ANKS1B: variants seen among roughly 807,000 people sequenced by gnomAD.
The protein encoded by ANKS1B is ankyrin repeat and sterile alpha motif domain containing 1B.
A neutral mutation model predicts 148.3 loss-of-function variants in ANKS1B; 36 were observed. That is an observed-to-expected ratio of 0.24 (90% confidence interval 0.19 to 0.32). ANKS1B has a LOEUF of 0.32. Ranked by LOEUF, ANKS1B falls within the 10% of genes least tolerant of loss-of-function variation. The pLI is 1.00. For missense variants in ANKS1B, 1,157 were observed against 1,542.6 expected (o/e 0.75, Z 4.19); for synonymous variants, 542 against 560.8 (o/e 0.97, Z 0.47).
rs538720063 is a variant in ANKS1B, at chr12:98,937,801, T to C, written c.2779-105665A>G. On this transcript the variant is annotated intron_variant, in intron 17 of 26. Transcript: ENST00000683438. ...AATTTATGAAGAAAAGAGGTTTAAT[T>C]GACTCAAAGTTCCAAATGGCTGGGG... 2.0e-5 allele frequency among the ~76,000 whole-genome samples: 3 copies of C among 152,250 alleles called. No homozygotes were observed. The South Asian group carries it at 6.2e-4, about 32-fold the overall frequency.
In ANKS1B at chr12:99,564,790, T is replaced by G. The variant is rs537124376; in HGVS notation, c.1273-60149A>C. ...TCTCCTTGTTGCTATATCTTGAAAT[T>G]TTTCAAACTTGAAATTAATTACATT... On this transcript the variant is annotated intron_variant, in intron 9 of 26. Transcript: ENST00000683438. Among the ~76,000 whole-genome samples the G allele has an allele frequency of 8.5e-5, 13 of 152,254 alleles. No homozygotes were observed. In the South Asian group the frequency reaches 2.7e-3, roughly 32 times the overall value.
chr12:99,830,572 A>C (rs574230883), intron 1 of ANKS1B, among the ~76,000 whole-genome samples: 6 of 152,026 alleles, frequency 3.9e-5, no homozygotes, highest in Non-Finnish European at 7.4e-5. Flanking sequence ...GAGCTCAATG[A>C]ATATAAGAGA....
At chr12:99,715,133 TAAA>T (rs1211405140) in intron 8 of ANKS1B, among the ~76,000 whole-genome samples, 1 of 142,782 alleles carries the variant, frequency 7.0e-6, no homozygotes, top group African/African-American at 2.5e-5. Context: ...CATCTAAAAA[TAAA>T]AAATAATAAA....
At chr12:98,914,982 C>T (rs1326836144) in intron 17 of ANKS1B, among the ~76,000 whole-genome samples, 1 of 152,142 alleles carries the variant, frequency 6.6e-6, no homozygotes, top group Non-Finnish European at 1.5e-5. Flanking sequence ...TAAATGAGGG[C>T]AGGCTTGTTT....
chr12:99,794,943 C>A (rs1195698989), intron 4 of ANKS1B, among the ~76,000 whole-genome samples: 1 of 151,638 alleles, frequency 6.6e-6, no homozygotes, highest in Non-Finnish European at 1.5e-5. Flanking sequence ...CTCATGAACC[C>A]ATAAATATAT....
chr12:98,953,898 A>C lies in ANKS1B; in HGVS notation c.2778+99259T>G, dbSNP rs141998784. Among the ~76,000 whole-genome samples, 13 of 152,092 alleles carry C rather than the reference A, an allele frequency of 8.5e-5. No homozygotes were observed. The East Asian group carries it at 2.1e-3, about 25-fold the overall frequency. On this transcript the variant is annotated intron_variant, in intron 17 of 26. Transcript: ENST00000683438. Reference sequence around the variant, plus strand: ...TTTATTTTCCAGTTTACTCCTTTGGATACTTCTCATCTTCAAGGTCCAGCT... The same window carrying C: ...TTTATTTTCCAGTTTACTCCTTTGGCTACTTCTCATCTTCAAGGTCCAGCT...
intron 14 of ANKS1B, among the ~76,000 whole-genome samples, chr12:99,183,681 A>T (rs2079426150): frequency 6.6e-6 from 1 of 152,152 alleles, no homozygotes; most frequent in Non-Finnish European, 1.5e-5. Context: ...ATCATTGGTC[A>T]AGGAAGTTTG....
At chr12:99,141,403 CTTT>C (rs572728144) in intron 15 of ANKS1B, among the ~76,000 whole-genome samples, 1 of 140,510 alleles carries the variant, frequency 7.1e-6, no homozygotes, top group Non-Finnish European at 1.6e-5. Context: ...AGTCTCATTT[CTTT>C]TTTTTTTTTT....
intron 9 of ANKS1B, among the ~76,000 whole-genome samples, chr12:99,617,055 T>C (rs1279770959): frequency 6.6e-6 from 1 of 152,182 alleles, no homozygotes; most frequent in Non-Finnish European, 1.5e-5. Context: ...TCATCATCAC[T>C]GGTCATTAGA....
chr12:99,571,945 TA>T (rs1223138659), intron 9 of ANKS1B, among the ~76,000 whole-genome samples: 1 of 151,988 alleles, frequency 6.6e-6, no homozygotes, highest in Non-Finnish European at 1.5e-5. Flanking sequence ...AACAAACCAA[TA>T]AAATCCAAAT....
intron 8 of ANKS1B, among the ~76,000 whole-genome samples, chr12:99,696,951 T>C (rs915174749): frequency 6.6e-6 from 1 of 152,178 alleles, no homozygotes; most frequent in African/African-American, 2.4e-5. Flanking sequence ...AAAGAAGATA[T>C]ACAGATGCCA....
At chr12:99,467,468 G>T (rs2096143158) in intron 10 of ANKS1B, among the ~76,000 whole-genome samples, 1 of 152,234 alleles carries the variant, frequency 6.6e-6, no homozygotes, top group Non-Finnish European at 1.5e-5. Context: ...GAAATAAAGG[G>T]TATTCGATTA....
chr12:99,950,230 G>A (rs2095182569), intron 1 of ANKS1B, among the ~76,000 whole-genome samples: 1 of 148,858 alleles, frequency 6.7e-6, no homozygotes, highest in African/African-American at 2.5e-5. Flanking sequence ...AAAGTGCTGA[G>A]ATTACAGGCG....
At chr12:99,103,426 G>A (rs958636087) in intron 15 of ANKS1B, among the ~76,000 whole-genome samples, 1 of 151,876 alleles carries the variant, frequency 6.6e-6, no homozygotes, top group Non-Finnish European at 1.5e-5. Flanking sequence ...TACTCTTCTT[G>A]GTCTCATTTT....
intron 23 of ANKS1B, 110 bp from the exon 24 acceptor site, chr12:98,781,313 A>AACAACAC (rs1566422541): frequency 4.3e-6 from 2 of 462,100 alleles, no homozygotes; most frequent in African/African-American, 3.8e-5. Flanking sequence ...AAACAACAAC[A>AACAACAC]ACACACACAC....
At chr12:98,836,901 G>A (rs2099366792) in intron 17 of ANKS1B, among the ~76,000 whole-genome samples, 1 of 152,118 alleles carries the variant, frequency 6.6e-6, no homozygotes, top group African/African-American at 2.4e-5. Flanking sequence ...GATTCAAAGG[G>A]GAACGTCTAT....
At chr12:99,762,186 G>GA (rs2062189595) in intron 8 of ANKS1B, among the ~76,000 whole-genome samples, 1 of 151,900 alleles carries the variant, frequency 6.6e-6, no homozygotes, top group Non-Finnish European at 1.5e-5. Flanking sequence ...CACACAATTA[G>GA]AAAAAAACTA....
chr12:99,534,959 T>G (rs979884596), intron 9 of ANKS1B, among the ~76,000 whole-genome samples: 1 of 152,042 alleles, frequency 6.6e-6, no homozygotes, highest in African/African-American at 2.4e-5. Flanking sequence ...TCTGACCACC[T>G]CGGCCTCCCA....
intron 15 of ANKS1B, among the ~76,000 whole-genome samples, chr12:99,147,401 G>A (rs1451263788): frequency 6.6e-6 from 1 of 152,102 alleles, no homozygotes; most frequent in African/African-American, 2.4e-5. Context: ...GAAAGATAAG[G>A]CAGGAAAATC....
Sources: allele counts gnomAD v4.1 joint callset (sites outside exome capture counted in the v4.1 genomes callset), GRCh38; gene constraint gnomAD v4.1.1; transcripts MANE v1.5; gene names NCBI Gene and HGNC (gene_info 2026-07-23, HGNC 2026-07-21).